NPIPB2: variants seen among roughly 807,000 people sequenced by gnomAD.
The protein encoded by NPIPB2 is nuclear pore complex interacting protein family member B2.
NPIPB2 carries 27 observed loss-of-function variants against 30.8 expected under a neutral mutation model. The ratio of observed to expected loss-of-function variants is 0.88; its 90% CI spans 0.65 to 1.21. NPIPB2 has a LOEUF of 1.21. Among genes scored for constraint, NPIPB2 ranks in the 50% most tolerant of loss-of-function variants. The pLI is 0.00. For synonymous variants in NPIPB2, 147 were observed against 162.0 expected, an observed-to-expected ratio of 0.91 and a Z score of 0.70; for missense variants, 440 against 446.2, an observed-to-expected ratio of 0.99 and a Z score of 0.13.
intron 2 of NPIPB2, among the ~76,000 whole-genome samples, chr16:11,934,346 G>C (rs997284576): frequency 2.0e-5 from 3 of 151,092 alleles, no homozygotes; most frequent in South Asian, 2.1e-4. Flanking sequence ...CTGAGGTCGG[G>C]AGTTTGAGAC....
intron 4 of NPIPB2, among the ~76,000 whole-genome samples, chr16:11,931,133 TC>T (rs934550422): frequency 6.6e-6 from 1 of 151,986 alleles, no homozygotes; most frequent in Non-Finnish European, 1.5e-5. Context: ...ACTTTAAAGA[TC>T]CTGGTTGAGA....
intron 1 of NPIPB2, among the ~76,000 whole-genome samples, chr16:11,950,704 T>C (rs1438899468): frequency 6.6e-6 from 1 of 152,024 alleles, no homozygotes; most frequent in African/African-American, 2.4e-5. Context: ...GCTCCCTCCC[T>C]CCTCTCATCC....
At chr16:11,965,273 T>C (rs1035875922) in intron 1 of NPIPB2, 3 of 1,610,232 alleles carry the variant, frequency 1.9e-6, no homozygotes, top group Non-Finnish European at 2.5e-6. Flanking sequence ...GAGATATTAC[T>C]TGTCCTTCCA....
At chr16:11,962,623 A>AC (rs1418858274) in intron 1 of NPIPB2, among the ~76,000 whole-genome samples, 3 of 150,174 alleles carry the variant, frequency 2.0e-5, no homozygotes, top group African/African-American at 4.9e-5. Context: ...AAAAAAAAAA[A>AC]AAAAAACCAA....
At chr16:11,933,986 A>T (rs1163170944) in intron 2 of NPIPB2, 62 bp from the exon 3 acceptor site, 1 of 1,353,722 alleles carries the variant, frequency 7.4e-7, no homozygotes, top group Non-Finnish European at 1.0e-6. Context: ...TAATCCCAGT[A>T]CTTTGGGAGG....
chr16:11,965,324 C>G, intron 1 of NPIPB2: 2 of 1,613,906 alleles, frequency 1.2e-6, no homozygotes, highest in Non-Finnish European at 1.7e-6. Context: ...TTTTTGTGAT[C>G]ATGTTGCAGA....
chr16:11,947,215 A>G (rs2055019601), intron 1 of NPIPB2, among the ~76,000 whole-genome samples: 1 of 147,766 alleles, frequency 6.8e-6, no homozygotes, highest in South Asian at 2.1e-4. Flanking sequence ...CAGCCTCCCA[A>G]ACTGCTGGAA....
chr16:11,944,288 T>C (rs1159449671), upstream of NPIPB2, among the ~76,000 whole-genome samples: 1 of 151,258 alleles, frequency 6.6e-6, no homozygotes, highest in Non-Finnish European at 1.5e-5. Flanking sequence ...CTGCTTTAAG[T>C]CCCAAGTAGC....
intron 1 of NPIPB2, among the ~76,000 whole-genome samples, chr16:11,949,691 C>T (rs2055045736): frequency 6.6e-6 from 1 of 152,210 alleles, no homozygotes; most frequent in African/African-American, 2.4e-5. Context: ...CTCACCTGAG[C>T]CAGCCTCTCA....
chr16:11,966,281 C>T, intron 1 of NPIPB2: 1 of 1,613,928 alleles, frequency 6.2e-7, no homozygotes, highest in Non-Finnish European at 8.5e-7. Context: ...AGTTTTCGTG[C>T]TAATGTTTTT....
chr16:11,964,093 T>G (rs2055174724), intron 1 of NPIPB2: 1 of 151,140 alleles, frequency 6.6e-6, no homozygotes, highest in Non-Finnish European at 1.5e-5. Context: ...ATGCACTATA[T>G]AAATGTATCT....
chr16:11,949,078 G>A (rs1002369444), intron 1 of NPIPB2, among the ~76,000 whole-genome samples: 17 of 152,042 alleles, frequency 1.1e-4, no homozygotes, highest in African/African-American at 3.9e-4. Context: ...GAGCCCAGGA[G>A]GTTGAGGCTG....
chr16:11,967,210 C>T (rs2055201178), intron 1 of NPIPB2: 2 of 209,620 alleles, frequency 9.5e-6, no homozygotes, highest in South Asian at 1.7e-4. Flanking sequence ...TCATGTTGGC[C>T]AGGATGGTCT....
intron 1 of NPIPB2, chr16:11,968,052 A>AGT (rs201064111): frequency 7.1e-4 from 368 of 519,534 alleles, no homozygotes; most frequent in East Asian, 1.6e-3. Context: ...TCATGATTAA[A>AGT]CTCTTTTTTT....
intron 2 of NPIPB2, among the ~76,000 whole-genome samples, chr16:11,934,217 GAGACT>G (rs1567465673): frequency 8.7e-6 from 1 of 114,918 alleles, no homozygotes; most frequent in Non-Finnish European, 1.8e-5. Flanking sequence ...GAGACAGAAT[GAGACT>G]CTGTCACACA....
In NPIPB2 at chr16:11,964,707, G is replaced by A. The variant is rs572682956; in HGVS notation, c.-584+11861C>T. Among the ~76,000 whole-genome samples, 10 of 152,260 alleles carry A rather than the reference G, an allele frequency of 6.6e-5. No homozygotes were observed. In the South Asian group the frequency reaches 1.9e-3, roughly 28 times the overall value. On this transcript the variant is annotated intron_variant, in intron 1 of 5. Transcript: ENST00000538896. ...TGGGATTACAGGAGAGCGCCACGGC[G>A]CCCAGCTTACACCAGACTACTTTTT...
chr16:11,951,992 T>C (rs899339211), intron 1 of NPIPB2, among the ~76,000 whole-genome samples: 1 of 151,996 alleles, frequency 6.6e-6, no homozygotes, highest in Non-Finnish European at 1.5e-5. Flanking sequence ...ACCCCGACTC[T>C]ACTAAAAATA....
chr16:11,941,991 A>G (rs1243850081), exon 1 of NPIPB2: 4 of 1,181,324 alleles, frequency 3.4e-6, no homozygotes, highest in Admixed American at 2.0e-5. Context: ...ACCCAAGCAG[A>G]GTGCCAGGTT....
chr16:11,932,980 G>C (rs372120887), intron 4 of NPIPB2, among the ~76,000 whole-genome samples: 2 of 149,564 alleles, frequency 1.3e-5, no homozygotes, highest in Non-Finnish European at 1.5e-5. Context: ...AAAAAAAAAG[G>C]CTGGCTGTGG....
Sources: allele counts gnomAD v4.1 joint callset (sites outside exome capture counted in the v4.1 genomes callset), GRCh38; gene constraint gnomAD v4.1.1; transcripts MANE v1.5; gene names NCBI Gene and HGNC (gene_info 2026-07-23, HGNC 2026-07-21).